The following ANOS1 variants were observed in gnomAD, a reference collection of about 807,000 sequenced individuals.
ANOS1 encodes anosmin-1.
ANOS1 carries 6 observed loss-of-function variants against 59.0 expected under a neutral mutation model. The ratio of observed to expected loss-of-function variants is 0.10; its 90% CI spans 0.06 to 0.20. The LOEUF (loss-of-function observed/expected upper bound fraction) is 0.20. Ranked by LOEUF, ANOS1 falls within the 10% of genes least tolerant of loss-of-function variation. The pLI is 1.00. For synonymous variants in ANOS1, 217 were observed against 223.4 expected (o/e 0.97, Z 0.25); for missense variants, 433 against 542.3 (o/e 0.80, Z 2.00).
chrX:8,590,945 T>C (rs933347756), intron 4 of ANOS1, among the ~76,000 whole-genome samples: 6 of 112,042 alleles, frequency 5.4e-5, no homozygotes, highest in African/African-American at 1.9e-4. Flanking sequence ...ACATGTACAT[T>C]CACTCTGTTT....
At chrX:8,678,338 T>C (rs1932367708) in intron 2 of ANOS1, among the ~76,000 whole-genome samples, 1 of 112,078 alleles carries the variant, frequency 8.9e-6, no homozygotes, top group Non-Finnish European at 1.9e-5. Context: ...ACAATATCCC[T>C]GAGAATTTCA....
intron 2 of ANOS1, among the ~76,000 whole-genome samples, chrX:8,686,758 C>T (rs978151962): frequency 1.8e-5 from 2 of 111,368 alleles, no homozygotes; most frequent in South Asian, 7.6e-4. Flanking sequence ...TCCAGACCAG[C>T]CTGGCCAACA....
rs1032255712 is a variant in ANOS1, at chrX:8,714,332, C to T, written c.208-14587G>A. On this transcript the variant is annotated intron_variant, in intron 1 of 13. Transcript: ENST00000262648. The stretch of plus-strand genomic sequence containing the variant: ...AATATGTTATACATAACAAGTCATT[C>T]CCACAAGGCACATTACTGCCTGGAA... Among the ~76,000 whole-genome samples, 33 of 111,781 alleles carry T rather than the reference C, an allele frequency of 3.0e-4. No homozygotes were observed. In the Admixed American group the frequency reaches 3.0e-3, roughly 10 times the overall value.
chrX:8,628,209 C>T (rs1250961205), intron 2 of ANOS1, among the ~76,000 whole-genome samples: 2 of 111,801 alleles, frequency 1.8e-5, no homozygotes, highest in African/African-American at 6.5e-5. Flanking sequence ...TTACAAGTGC[C>T]ATGGCAATGT....
At position 8,535,645 on chromosome X, in the gene ANOS1, G is replaced by A; in HGVS notation, c.1788C>T (p.Ser596=). 5 of 1,210,790 alleles carry A rather than the reference G, an allele frequency of 4.1e-6. No homozygotes were observed. Among genetic ancestry groups the A allele is most frequent in the Non-Finnish European group, 4.5e-6 (4 of 894,447 alleles). ...QVTWAEVTTE[S]RQNSLPNSII... is the part of the protein sequence containing the mutation. ...TGCTGTTGGGTAGGCTGTTCTGTCT[G>A]CTTTCCGTAGTGACCTCAGCCCAAG... The change falls in exon 12 of 14, where the codon AGC becomes AGT. Residue 596 remains serine (S), a synonymous_variant. Coordinates refer to ENST00000262648, the MANE Select transcript of ANOS1 (RefSeq NM_000216.4).
chrX:8,599,478 C>T (rs1930802618), intron 3 of ANOS1, among the ~76,000 whole-genome samples: 1 of 111,436 alleles, frequency 9.0e-6, no homozygotes, highest in African/African-American at 3.3e-5. Flanking sequence ...TACCTGGGAA[C>T]ACTCGCCTGT....
chrX:8,655,225 G>A (rs1048007221), intron 2 of ANOS1, among the ~76,000 whole-genome samples: 1 of 111,277 alleles, frequency 9.0e-6, no homozygotes, highest in Non-Finnish European at 1.9e-5. Context: ...GAAACTAGAC[G>A]GTCCCATCTG....
intron 3 of ANOS1, among the ~76,000 whole-genome samples, chrX:8,608,035 A>G (rs1372188672): frequency 8.9e-6 from 1 of 111,905 alleles, no homozygotes. Flanking sequence ...GAGAGAGGGA[A>G]CAGAAACAAA....
intron 2 of ANOS1, among the ~76,000 whole-genome samples, chrX:8,685,733 A>G (rs1188649333): frequency 9.0e-6 from 1 of 111,297 alleles, no homozygotes; most frequent in Non-Finnish European, 1.9e-5. Context: ...AGAGAAAGAA[A>G]GAGTGCACGA....
At chrX:8,601,664 C>T (rs1473715817) in intron 3 of ANOS1, among the ~76,000 whole-genome samples, 2 of 111,659 alleles carry the variant, frequency 1.8e-5, no homozygotes, top group African/African-American at 6.5e-5. Context: ...GACATAGAAA[C>T]ACATATGTTC....
rs1930211453 is a variant in ANOS1 at position 8,570,545 on chromosome X, T to TTAC, written c.1013_1015dup (p.Ser338dup). ...CTTCTTCTTTGTTGGGACAAGAGAC[T>TTAC]TACTGCTGACCATCCAGCTCCAAAA... On this transcript the variant is annotated inframe_insertion, in exon 7 of 14. Transcript: ENST00000262648. 1 of 1,211,590 alleles carries TTAC rather than the reference T, an allele frequency of 8.3e-7. No individual in the cohort carries two copies. Among genetic ancestry groups the TTAC allele is most frequent in the Non-Finnish European group, 1.1e-6 (1 of 895,222 alleles).
intron 8 of ANOS1, chrX:8,566,041 G>A (rs970810680): frequency 5.3e-6 from 4 of 754,397 alleles, no homozygotes; most frequent in African/African-American, 2.3e-5. Context: ...CATGCAATGC[G>A]CTTCTCTAAC....
intron 6 of ANOS1, 111 bp from the exon 7 acceptor site, chrX:8,570,815 G>A (rs1427960630): frequency 1.3e-5 from 10 of 743,068 alleles, no homozygotes; most frequent in Admixed American, 1.3e-4. Context: ...AGATAGAAAA[G>A]CTGAAAACGG....
Position 8,532,448 on chromosome X carries a change from A to G in ANOS1, c.*547T>C, listed in dbSNP as rs1313588385. On this transcript the variant is annotated 3_prime_UTR_variant, in exon 14 of 14. Coordinates refer to ENST00000262648, the MANE Select transcript of ANOS1 (RefSeq NM_000216.4). ...AAAGTAGGAGCATTTTTAGATTTAA[A>G]TTCGCTGGTATATTTTAGATTACAC... The G allele has an allele frequency of 8.9e-6, 1 of 111,992 alleles. No individual in the cohort carries two copies. The highest frequency in any genetic ancestry group is 1.9e-5 in the Non-Finnish European group (1 of 53,363). The allele number at this position is 111,992 out of a possible 1,213,427, so 9.2% of individuals were successfully genotyped here.
At chrX:8,617,786 GA>G (rs200569967) in intron 3 of ANOS1, among the ~76,000 whole-genome samples, 12 of 106,065 alleles carry the variant, frequency 1.1e-4, no homozygotes, top group Non-Finnish European at 2.0e-4. Context: ...GTCTCAAAAA[GA>G]AAAAAAAAAT....
chrX:8,707,997 G>A (rs920594333), intron 1 of ANOS1, among the ~76,000 whole-genome samples: 3 of 112,198 alleles, frequency 2.7e-5, no homozygotes, highest in East Asian at 2.8e-4. Flanking sequence ...AGGCTGAGGC[G>A]GGTGGACCAC....
At chrX:8,537,428 T>C (rs1359202720) in intron 10 of ANOS1, among the ~76,000 whole-genome samples, 1 of 112,040 alleles carries the variant, frequency 8.9e-6, no homozygotes, top group African/African-American at 3.2e-5. Flanking sequence ...AATGTTGTGA[T>C]TAAATATAAA....
chrX:8,711,380 C>A (rs774035959), intron 1 of ANOS1, among the ~76,000 whole-genome samples: 2 of 112,678 alleles, frequency 1.8e-5, no homozygotes, highest in Non-Finnish European at 3.8e-5. Context: ...GATTCAAACA[C>A]AAAGAATATT....
intron 2 of ANOS1, among the ~76,000 whole-genome samples, chrX:8,688,100 A>G (rs1932551609): frequency 8.9e-6 from 1 of 112,031 alleles, no homozygotes; most frequent in Non-Finnish European, 1.9e-5. Flanking sequence ...AGAAAAGCAA[A>G]TGTGGACCCC....
Sources: gnomAD v4.1 joint callset for allele counts (sites outside exome capture counted in the v4.1 genomes callset) on GRCh38, gnomAD v4.1.1 for gene constraint, MANE v1.5 for transcripts, NCBI Gene and HGNC (gene_info 2026-07-23, HGNC 2026-07-21) for gene names.